The following GLRB variants were observed in gnomAD, a reference collection of about 807,000 sequenced individuals.
GLRB encodes glycine receptor beta, also known as glycine receptor subunit beta.
Under a neutral mutation model 54.2 loss-of-function variants are expected in GLRB, and 33 were observed. That is an observed-to-expected ratio of 0.61 (90% CI 0.46 to 0.81). The LOEUF is 0.81. Ranked by LOEUF, GLRB falls within the 40% of genes least tolerant of loss-of-function variation. The probability of loss-of-function intolerance (pLI) is 0.00; values close to 1 mark genes in which losing one functional copy is unlikely to be tolerated. For synonymous variants in GLRB, 209 were observed against 208.2 expected, an observed-to-expected ratio of 1.00 and a Z score of -0.03; for missense variants, 572 against 584.6, an observed-to-expected ratio of 0.98 and a Z score of 0.22.
chr4:157,084,906 C>T (rs957482967), intron 2 of GLRB, among the ~76,000 whole-genome samples: 5 of 152,144 alleles, frequency 3.3e-5, no homozygotes, highest in Non-Finnish European at 2.9e-5. Context: ...GAGACAAAGA[C>T]ATTGGCCAAA....
intron 2 of GLRB, among the ~76,000 whole-genome samples, chr4:157,115,218 G>A (rs1006423388): frequency 8.8e-5 from 13 of 147,424 alleles, no homozygotes; most frequent in Non-Finnish European, 1.9e-4. Context: ...AGTTTGTTCC[G>A]GTGTCCTTCC....
At chr4:157,147,037 C>A (rs1193403062) in intron 8 of GLRB, among the ~76,000 whole-genome samples, 1 of 152,064 alleles carries the variant, frequency 6.6e-6, no homozygotes, top group Non-Finnish European at 1.5e-5. Context: ...ATGGGCAGGC[C>A]AGGAGCTTTG....
At chr4:157,103,637 G>A (rs367831175) in intron 2 of GLRB, among the ~76,000 whole-genome samples, 3 of 152,070 alleles carry the variant, frequency 2.0e-5, no homozygotes, top group African/African-American at 7.2e-5. Context: ...CTTTTGGGTA[G>A]TATGGGCATT....
Position 157,171,699 on chromosome 4 carries a change from A to G in GLRB, c.*971A>G, listed in dbSNP as rs975001941. On this transcript the variant is annotated 3_prime_UTR_variant, in exon 10 of 10. Coordinates refer to ENST00000264428, the MANE Select transcript of GLRB (RefSeq NM_000824.5). Reference sequence around the variant, plus strand: ...TGCTTGCATATTTTAAGTAAAATTAAAAATGTTTACTGAATTTATTTTTTT... The same window carrying G: ...TGCTTGCATATTTTAAGTAAAATTAGAAATGTTTACTGAATTTATTTTTTT... The G allele has an allele frequency of 6.6e-6, 1 of 152,198 alleles. No individual in the cohort carries two copies. The highest frequency in any genetic ancestry group is 2.4e-5 in the African/African-American group (1 of 41,430). 9.4% of individuals were successfully genotyped at this position (152,198 alleles called of 1,614,324 possible).
intron 2 of GLRB, among the ~76,000 whole-genome samples, chr4:157,094,626 G>A (rs1277728743): frequency 6.6e-6 from 1 of 152,216 alleles, no homozygotes; most frequent in African/African-American, 2.4e-5. Flanking sequence ...ATTTGTAAAA[G>A]TGGTCAACTT....
At chr4:157,086,718 G>A (rs762702695) in intron 2 of GLRB, among the ~76,000 whole-genome samples, 19 of 152,152 alleles carry the variant, frequency 1.2e-4, no homozygotes, top group Non-Finnish European at 2.5e-4. Context: ...GGAAAATATA[G>A]AACTGTCAAA....
intron 2 of GLRB, among the ~76,000 whole-genome samples, chr4:157,097,927 A>G (rs1346534046): frequency 6.6e-6 from 1 of 152,168 alleles, no homozygotes; most frequent in Non-Finnish European, 1.5e-5. Context: ...AGGCTGAGGC[A>G]GGAGAATCTC....
chr4:157,160,144 A>G (rs1454562354), intron 9 of GLRB, among the ~76,000 whole-genome samples: 1 of 151,966 alleles, frequency 6.6e-6, no homozygotes, highest in Non-Finnish European at 1.5e-5. Flanking sequence ...GTATTCTCTG[A>G]TGGTAGTTTG....
At position 157,151,936 on chromosome 4, in the gene GLRB, T is replaced by C. The variant is rs558834890; in HGVS notation, c.905-782T>C. On this transcript the variant is annotated intron_variant, in intron 8 of 9. Transcript: ENST00000264428. Reference sequence around the variant, plus strand: ...GACTCAGCATGTTCCTGGTAGCCCATGCCAATAGGTTATAGCTATAAAATA... The same window carrying C: ...GACTCAGCATGTTCCTGGTAGCCCACGCCAATAGGTTATAGCTATAAAATA... 1.4e-4 allele frequency among the ~76,000 whole-genome samples: 21 copies of C among 152,220 alleles called. 1 individual carries two copies. In the South Asian group the frequency reaches 4.4e-3, roughly 32 times the overall value.
rs539621586 is a variant in GLRB at position 157,103,889 on chromosome 4, C to T, written c.123-16667C>T. Among the ~76,000 whole-genome samples the T allele has an allele frequency of 1.4e-3, 212 of 151,528 alleles. 2 individuals carry two copies. Among genetic ancestry groups the T allele is most frequent in the African/African-American group, 4.8e-3 (197 of 41,304 alleles). ...AGCAATTGATGTTTTTATGTTGTGTCCTGGAACTTTACTGAAATTTGTTTA... is the reference window on the plus strand; with the variant it reads ...AGCAATTGATGTTTTTATGTTGTGTTCTGGAACTTTACTGAAATTTGTTTA... On this transcript the variant is annotated intron_variant, in intron 2 of 9. Transcript: ENST00000264428.
intron 2 of GLRB, among the ~76,000 whole-genome samples, chr4:157,114,478 TTTTA>T (rs947727512): frequency 2.6e-5 from 4 of 151,856 alleles, no homozygotes; most frequent in African/African-American, 9.7e-5. Flanking sequence ...AGTATGGTGC[TTTTA>T]TTTATTTTTT....
chr4:157,136,480 T>G lies in GLRB; in HGVS notation c.309T>G (p.Val103=), dbSNP rs1024667138. The G allele has an allele frequency of 6.3e-7, 1 of 1,594,942 alleles. No homozygotes were observed. The highest frequency in any genetic ancestry group is 1.3e-5 in the African/African-American group (1 of 74,688). The change falls in exon 5 of 10, where the codon GTT becomes GTG. Residue 103 remains valine (V), a synonymous_variant. Transcript: ENST00000264428. ...TACTTTTTCTTCAGGACTATAGAGTTAACATCTTCCTGAGACAAAAATGGA... is the reference window on the plus strand; with the variant it reads ...TACTTTTTCTTCAGGACTATAGAGTGAACATCTTCCTGAGACAAAAATGGA... The part of the protein sequence containing the change: ...SIQETTMDYR[V]NIFLRQKWND...
intron 2 of GLRB, among the ~76,000 whole-genome samples, chr4:157,090,025 C>A (rs1461274636): frequency 6.6e-6 from 1 of 152,140 alleles, no homozygotes; most frequent in Non-Finnish European, 1.5e-5. Flanking sequence ...TGGTCTCTGT[C>A]AGGCCATAGT....
Position 157,152,867 on chromosome 4 carries a change from G to C in GLRB, c.1054G>C (p.Val352Leu). The C allele has an allele frequency of 6.2e-7, 1 of 1,613,982 alleles. No homozygotes were observed. The highest frequency in any genetic ancestry group is 8.5e-7 in the Non-Finnish European group (1 of 1,179,954). Residue 352 changes from valine (V) to leucine (L), a missense_variant, in exon 9 of 10, where the codon GTG becomes CTG. Val to Leu is a conservative substitution (Grantham distance 32). Coordinates refer to ENST00000264428, the MANE Select transcript of GLRB (RefSeq NM_000824.5). ...ASLVEYAVVQ[V>L]MLNNPKRVEA... is the part of the protein sequence containing the mutation. The stretch of plus-strand genomic sequence containing the variant: ...CCTGGTGGAGTATGCAGTTGTCCAG[G>C]TGATGCTGAACAACCCCAAAAGGGT...
intron 9 of GLRB, among the ~76,000 whole-genome samples, chr4:157,155,820 A>G (rs1560973632): frequency 6.6e-6 from 1 of 152,128 alleles, no homozygotes; most frequent in Non-Finnish European, 1.5e-5. Flanking sequence ...TGTTGAAAAT[A>G]TAGATGTATG....
chr4:157,086,080 C>A (rs1043418097), intron 2 of GLRB, among the ~76,000 whole-genome samples: 5 of 152,120 alleles, frequency 3.3e-5, no homozygotes, highest in African/African-American at 1.2e-4. Flanking sequence ...GGTCCTCCCG[C>A]CTTGTTCTCC....
intron 9 of GLRB, among the ~76,000 whole-genome samples, chr4:157,160,787 G>C (rs1443281140): frequency 6.6e-6 from 1 of 152,152 alleles, no homozygotes; most frequent in African/African-American, 2.4e-5. Context: ...GTGATGTGGT[G>C]CTGAGAAGAA....
chr4:157,103,127 G>A (rs554341798), intron 2 of GLRB, among the ~76,000 whole-genome samples: 67 of 148,246 alleles, frequency 4.5e-4, no homozygotes, highest in Non-Finnish European at 7.0e-4. Flanking sequence ...TCCAGTCTGG[G>A]CAAAAGAGAG....
intron 8 of GLRB, among the ~76,000 whole-genome samples, chr4:157,151,252 A>C (rs1737012077): frequency 6.6e-6 from 1 of 152,106 alleles, no homozygotes; most frequent in Non-Finnish European, 1.5e-5. Context: ...GACTCACAAA[A>C]TTTGGCAAAG....
Sources: allele counts gnomAD v4.1 joint callset (sites outside exome capture counted in the v4.1 genomes callset), GRCh38; gene constraint gnomAD v4.1.1; transcripts MANE v1.5; gene names NCBI Gene and HGNC (gene_info 2026-07-23, HGNC 2026-07-21).